The following LNX1 variants were observed in gnomAD, a reference collection of about 807,000 sequenced individuals.
LNX1 encodes the protein E3 ubiquitin-protein ligase LNX.
A neutral mutation model predicts 68.4 loss-of-function variants in LNX1; 54 were observed. The observed-to-expected ratio is 0.79, with a 90% CI of 0.63 to 0.99. The LOEUF is 0.99. LNX1 is among the 50% of genes least tolerant of loss of function. LNX1 has a pLI of 0.00. For synonymous variants in LNX1, 336 were observed against 350.0 expected (o/e 0.96, Z 0.45); for missense variants, 906 against 926.4 (o/e 0.98, Z 0.29).
chr4:53,490,337 C>T (rs1267030071), intron 6 of LNX1, among the ~76,000 whole-genome samples: 1 of 152,172 alleles, frequency 6.6e-6, no homozygotes, highest in Admixed American at 6.5e-5. Context: ...TCAGACAGTT[C>T]CAAAAAGCTG....
At chr4:53,620,415 G>A (rs189098888), upstream of LNX1, among the ~76,000 whole-genome samples, 26 of 152,336 alleles carry the variant, frequency 1.7e-4, no homozygotes, top group Admixed American at 3.3e-4. Flanking sequence ...CCCTGCAGGG[G>A]ATTCTAATGC....
intron 1 of LNX1, among the ~76,000 whole-genome samples, chr4:53,643,498 G>C (rs1734766613): frequency 6.6e-6 from 1 of 152,092 alleles, no homozygotes; most frequent in African/African-American, 2.4e-5. Context: ...AGAGTGGACA[G>C]AGGGTGGCTG....
intron 2 of LNX1, among the ~76,000 whole-genome samples, chr4:53,540,044 T>C (rs1171945398): frequency 6.6e-6 from 1 of 152,218 alleles, no homozygotes; most frequent in Non-Finnish European, 1.5e-5. Context: ...AATCTAGTGC[T>C]ATCTGAATAA....
intron 1 of LNX1, among the ~76,000 whole-genome samples, chr4:53,638,702 T>A (rs1734569663): frequency 2.6e-5 from 4 of 152,200 alleles, no homozygotes; most frequent in Admixed American, 2.6e-4. Context: ...GTGATGTACC[T>A]TACAGAGGAA....
rs1419946858 is a variant in LNX1, at chr4:53,461,506, G to A, written c.1980C>T (p.Tyr660=). 4 of 1,612,114 alleles carry A rather than the reference G, an allele frequency of 2.5e-6. No individual in the cohort carries two copies. Among genetic ancestry groups the A allele is most frequent in the African/African-American group, 1.3e-5 (1 of 74,830 alleles). Residue 660 remains tyrosine, a synonymous_variant, in exon 10 of 11, where the codon TAC becomes TAT. Transcript: ENST00000263925. ...TGATGAAAAAAGGTTTGTTTCCATT[G>A]TATTCTTCATAACCTCCTACAATGC... ...GFCIVGGYEE[Y]NGNKPFFIKS... is the part of the protein sequence containing the mutation.
intron 2 of LNX1, among the ~76,000 whole-genome samples, chr4:53,613,354 T>G (rs2109850834): frequency 6.6e-6 from 1 of 152,260 alleles, no homozygotes; most frequent in South Asian, 2.1e-4. Context: ...GAATTTTTTT[T>G]TTTTAACTTT....
At chr4:53,552,208 C>T (rs1484943006) in intron 2 of LNX1, among the ~76,000 whole-genome samples, 1 of 152,182 alleles carries the variant, frequency 6.6e-6, no homozygotes, top group African/African-American at 2.4e-5. Flanking sequence ...GTGACCCCGC[C>T]TAGCTGTCTT....
At chr4:53,490,042 T>A (rs1210503249) in intron 6 of LNX1, among the ~76,000 whole-genome samples, 1 of 152,124 alleles carries the variant, frequency 6.6e-6, no homozygotes, top group Non-Finnish European at 1.5e-5. Context: ...TGTGGCTCTG[T>A]CTGAAGGTCT....
chr4:53,507,936 C>G (rs912440612), intron 3 of LNX1, 50 bp downstream of exon 3: 1 of 1,589,280 alleles, frequency 6.3e-7, no homozygotes, highest in African/African-American at 1.3e-5. Flanking sequence ...CCACAGAGGG[C>G]AATCGCAAGC....
intron 6 of LNX1, among the ~76,000 whole-genome samples, chr4:53,483,955 C>A (rs1419804299): frequency 6.6e-6 from 1 of 152,162 alleles, no homozygotes; most frequent in Non-Finnish European, 1.5e-5. Flanking sequence ...GAGGTAGGGC[C>A]TTTGGGAGGT....
chr4:53,582,079 G>A (rs1052833213), intron 1 of LNX1, among the ~76,000 whole-genome samples: 1 of 129,572 alleles, frequency 7.7e-6, no homozygotes, highest in Admixed American at 7.8e-5. Flanking sequence ...CCTTGTCACT[G>A]TTAATTTTAG....
intron 1 of LNX1, among the ~76,000 whole-genome samples, chr4:53,625,909 T>C (rs1734058738): frequency 6.6e-6 from 1 of 151,450 alleles, no homozygotes; most frequent in Non-Finnish European, 1.5e-5. Context: ...AATACATGTC[T>C]ACACATGTGT....
At chr4:53,571,710 T>A (rs138909330) in intron 2 of LNX1, among the ~76,000 whole-genome samples, 1 of 152,130 alleles carries the variant, frequency 6.6e-6, no homozygotes, top group Non-Finnish European at 1.5e-5. Context: ...TCACTTAGGC[T>A]GGAGTGCAGT....
intron 6 of LNX1, among the ~76,000 whole-genome samples, chr4:53,494,167 G>A (rs1357596614): frequency 6.6e-6 from 1 of 152,176 alleles, no homozygotes; most frequent in Admixed American, 6.5e-5. Flanking sequence ...AATCACGGGA[G>A]TGGTTTCCCC....
At chr4:53,568,051 G>A (rs894414473) in intron 2 of LNX1, among the ~76,000 whole-genome samples, 47 of 152,030 alleles carry the variant, frequency 3.1e-4, no homozygotes, top group East Asian at 1.5e-3. Flanking sequence ...ATTCACAGCC[G>A]AATTCTACCA....
chr4:53,496,205 CGG>C lies in LNX1; in HGVS notation c.1166_1167del (p.Pro389ArgfsTer14), dbSNP rs745808195. ...ACCAGTTTTATTCCAAGCTGCTCCT[CGG>C]GGCTACTTTTGTTGAGAATCACATG... ...SFHVILNKSS[P>X]EEQLGIKLVR... On this transcript the variant is annotated frameshift_variant, in exon 6 of 11. Transcript: ENST00000263925. LOFTEE classifies it high-confidence loss of function. 1 of 1,614,124 alleles carries C rather than the reference CGG, an allele frequency of 6.2e-7. No individual in the cohort carries two copies.
At chr4:53,601,795 A>T (rs1289348737) in intron 2 of LNX1, among the ~76,000 whole-genome samples, 2 of 152,152 alleles carry the variant, frequency 1.3e-5, no homozygotes, top group Admixed American at 1.3e-4. Flanking sequence ...CTTCTCCAGG[A>T]TAAAGGAATA....
chr4:53,497,774 G>C (rs1399502302), intron 5 of LNX1, among the ~76,000 whole-genome samples: 2 of 152,204 alleles, frequency 1.3e-5, no homozygotes, highest in Non-Finnish European at 1.5e-5. Context: ...CCACCTCGGA[G>C]GCCAGCAGGA....
At chr4:53,521,909 C>T (rs1381641555) in intron 2 of LNX1, among the ~76,000 whole-genome samples, 1 of 152,160 alleles carries the variant, frequency 6.6e-6, no homozygotes, top group Non-Finnish European at 1.5e-5. Context: ...AAGGGATCCT[C>T]CCTCCTCAGC....
Sources: gnomAD v4.1 joint callset for allele counts (sites outside exome capture counted in the v4.1 genomes callset) on GRCh38, gnomAD v4.1.1 for gene constraint, MANE v1.5 for transcripts, NCBI Gene and HGNC (gene_info 2026-07-23, HGNC 2026-07-21) for gene names.